Variants in PLA2G4A observed in about 807,000 individuals in gnomAD.
PLA2G4A encodes the protein phospholipase A2 group IVA, also known as cytosolic phospholipase A2.
PLA2G4A carries 40 observed loss-of-function variants against 81.9 expected under a neutral mutation model. The ratio of observed to expected loss-of-function variants is 0.49; its 90% CI spans 0.38 to 0.64. The LOEUF is 0.64. Among genes scored for constraint, PLA2G4A ranks in the 30% least tolerant of loss-of-function variants. The pLI is 0.00. For synonymous variants in PLA2G4A, 302 were observed against 296.9 expected, an observed-to-expected ratio of 1.02 and a Z score of -0.18; for missense variants, 715 against 905.1, an observed-to-expected ratio of 0.79 and a Z score of 2.69.
intron 7 of PLA2G4A, among the ~76,000 whole-genome samples, chr1:186,919,347 C>T (rs1033873285): frequency 3.3e-5 from 5 of 152,160 alleles, no homozygotes; most frequent in Non-Finnish European, 5.9e-5. Context: ...CCCCAGGCTG[C>T]GCTCCCCTTT....
At chr1:186,914,716 G>A (rs1393536906) in intron 7 of PLA2G4A, among the ~76,000 whole-genome samples, 1 of 152,174 alleles carries the variant, frequency 6.6e-6, no homozygotes, top group Non-Finnish European at 1.5e-5. Flanking sequence ...ACCAGGCCCA[G>A]GGTGTGGTGC....
intron 14 of PLA2G4A, among the ~76,000 whole-genome samples, chr1:186,962,174 G>A (rs1007945763): frequency 6.6e-6 from 1 of 151,860 alleles, no homozygotes; most frequent in African/African-American, 2.4e-5. Context: ...TGCTGACATA[G>A]TGTTATAATT....
intron 1 of PLA2G4A, among the ~76,000 whole-genome samples, chr1:186,831,033 TTA>T (rs1558339690): frequency 6.6e-6 from 1 of 150,410 alleles, no homozygotes; most frequent in East Asian, 2.0e-4. Context: ...TCTTTCTTTC[TTA>T]CTTTTTCTTT....
chr1:186,878,393 A>G (rs1473916841), intron 3 of PLA2G4A, among the ~76,000 whole-genome samples: 1 of 149,072 alleles, frequency 6.7e-6, no homozygotes, highest in African/African-American at 2.4e-5. Context: ...TCCTTAAATC[A>G]GTCTTCAGGT....
Position 186,907,022 on chromosome 1 carries a change from TG to T in PLA2G4A, c.416+22del. The T allele has an allele frequency of 7.5e-7, 1 of 1,329,446 alleles. No individual in the cohort carries two copies. The highest frequency in any genetic ancestry group is 1.1e-6 in the Non-Finnish European group (1 of 922,072). The allele number at this position is 1,329,446 out of a possible 1,614,324, so 82.4% of individuals were successfully genotyped here. ...AGTTTGGTAAGTGCATTTATTTAGT[TG>T]GATGAGAAATATTGTGAGTGATCCA... On this transcript the variant is annotated intron_variant, in intron 6 of 17. Transcript: ENST00000367466.
At chr1:186,926,416 T>A (rs181918657) in intron 7 of PLA2G4A, among the ~76,000 whole-genome samples, 4 of 152,346 alleles carry the variant, frequency 2.6e-5, no homozygotes, top group African/African-American at 9.6e-5. Context: ...GCCCACACTG[T>A]TTTCTCTTGG....
At chr1:186,858,359 G>A (rs1260446596) in intron 2 of PLA2G4A, among the ~76,000 whole-genome samples, 1 of 152,186 alleles carries the variant, frequency 6.6e-6, no homozygotes, top group African/African-American at 2.4e-5. Flanking sequence ...GATGACCAGT[G>A]ATGATGAGCA....
At chr1:186,848,004 C>A (rs1652244077) in intron 1 of PLA2G4A, among the ~76,000 whole-genome samples, 1 of 152,018 alleles carries the variant, frequency 6.6e-6, no homozygotes, top group South Asian at 2.1e-4. Flanking sequence ...TAAAGAGAAC[C>A]CTGGGAAGAA....
At chr1:186,911,121 G>A in intron 6 of PLA2G4A, 127 bp from the exon 7 acceptor site, 2 of 787,418 alleles carry the variant, frequency 2.5e-6, no homozygotes, top group Non-Finnish European at 4.6e-6. Context: ...TCCCTTCTTA[G>A]GAAATGGCTT....
At chr1:186,961,822 A>T (rs1329546792) in intron 14 of PLA2G4A, among the ~76,000 whole-genome samples, 1 of 152,206 alleles carries the variant, frequency 6.6e-6, no homozygotes, top group African/African-American at 2.4e-5. Flanking sequence ...CTGCATGTAA[A>T]ATTAGAGTAA....
At chr1:186,907,999 C>T (rs1654802335) in intron 6 of PLA2G4A, among the ~76,000 whole-genome samples, 2 of 152,106 alleles carry the variant, frequency 1.3e-5, no homozygotes. Flanking sequence ...GGGGAATAGT[C>T]TTCACTGAGG....
At chr1:186,980,017 G>A (rs1410170268) in intron 17 of PLA2G4A, among the ~76,000 whole-genome samples, 10 of 134,862 alleles carry the variant, frequency 7.4e-5, no homozygotes, top group Admixed American at 1.7e-4. Flanking sequence ...GCGCAATGTC[G>A]GCTCACTGCA....
At chr1:186,915,722 C>T (rs1393583804) in intron 7 of PLA2G4A, among the ~76,000 whole-genome samples, 1 of 152,062 alleles carries the variant, frequency 6.6e-6, no homozygotes, top group Non-Finnish European at 1.5e-5. Context: ...TGGGTCCACA[C>T]GATTTGCAGC....
chr1:186,944,605 T>C (rs1656272504), intron 10 of PLA2G4A, among the ~76,000 whole-genome samples: 1 of 152,180 alleles, frequency 6.6e-6, no homozygotes, highest in Non-Finnish European at 1.5e-5. Flanking sequence ...GGCTTTGACA[T>C]ATAATGAATT....
chr1:186,880,792 C>T (rs760603216), intron 3 of PLA2G4A, among the ~76,000 whole-genome samples: 4 of 151,838 alleles, frequency 2.6e-5, no homozygotes, highest in African/African-American at 4.8e-5. Context: ...AAGAAACATC[C>T]GTACATTCTA....
intron 1 of PLA2G4A, among the ~76,000 whole-genome samples, chr1:186,849,396 C>G (rs1218979001): frequency 6.6e-6 from 1 of 151,892 alleles, no homozygotes; most frequent in Non-Finnish European, 1.5e-5. Context: ...ACAGGCAGAC[C>G]AAATATACTT....
chr1:186,978,930 T>C (rs2102297691), intron 16 of PLA2G4A, among the ~76,000 whole-genome samples: 1 of 152,300 alleles, frequency 6.6e-6, no homozygotes, highest in South Asian at 2.1e-4. Flanking sequence ...TAGACCTGTG[T>C]CCCACAATCA....
intron 17 of PLA2G4A, among the ~76,000 whole-genome samples, chr1:186,987,589 T>C (rs1657930606): frequency 6.6e-6 from 1 of 152,198 alleles, no homozygotes; most frequent in South Asian, 2.1e-4. Context: ...GATTTACTAT[T>C]CAGGCCTTCT....
chr1:186,978,871 G>A (rs571188793), intron 16 of PLA2G4A, among the ~76,000 whole-genome samples: 7 of 152,294 alleles, frequency 4.6e-5, no homozygotes, highest in Non-Finnish European at 2.9e-5. Context: ...TTAGCAAGCC[G>A]GCTACCACAA....
Sources: allele counts gnomAD v4.1 joint callset (sites outside exome capture counted in the v4.1 genomes callset), GRCh38; gene constraint gnomAD v4.1.1; transcripts MANE v1.5; gene names NCBI Gene and HGNC (gene_info 2026-07-23, HGNC 2026-07-21).